Variants in LHFPL3 observed in about 807,000 individuals in gnomAD.
LHFPL3 encodes the protein LHFPL tetraspan subfamily member 3 protein.
Under a neutral mutation model 19.3 loss-of-function variants are expected in LHFPL3, and 5 were observed. That is an observed-to-expected ratio of 0.26 (90% CI 0.14 to 0.54). The LOEUF (loss-of-function observed/expected upper bound fraction) is 0.54. Ranked by LOEUF, LHFPL3 falls within the 20% of genes least tolerant of loss-of-function variation. The probability of loss-of-function intolerance (pLI) is 0.94; values close to 1 mark genes in which losing one functional copy is unlikely to be tolerated. For synonymous variants in LHFPL3, 133 were observed against 126.2 expected, an observed-to-expected ratio of 1.05 and a Z score of -0.36; for missense variants, 249 against 307.4, an observed-to-expected ratio of 0.81 and a Z score of 1.42.
At chr7:104,369,819 C>T (rs6465984) in intron 1 of LHFPL3, among the ~76,000 whole-genome samples, 16,568 of 152,214 alleles carry the variant, frequency 0.11, 1,048 homozygotes, top group African/African-American at 0.15. Flanking sequence ...TAGCCATTCA[C>T]ATCTTAGTTG....
At chr7:104,578,147 A>C (rs1790379152) in intron 1 of LHFPL3, among the ~76,000 whole-genome samples, 1 of 152,216 alleles carries the variant, frequency 6.6e-6, no homozygotes, top group South Asian at 2.1e-4. Flanking sequence ...ATAGGCAGTT[A>C]GCTTTTCTAA....
intron 1 of LHFPL3, among the ~76,000 whole-genome samples, chr7:104,562,272 G>T (rs1034788988): frequency 5.5e-4 from 83 of 151,836 alleles, no homozygotes; most frequent in African/African-American, 1.9e-3. Context: ...ATATCCTGCA[G>T]AGTGTTTTCC....
intron 2 of LHFPL3, among the ~76,000 whole-genome samples, chr7:104,757,211 G>A (rs1348451679): frequency 1.3e-5 from 2 of 152,120 alleles, no homozygotes; most frequent in East Asian, 3.8e-4. Flanking sequence ...ATTAATGCAA[G>A]GTGGATTAAA....
intron 1 of LHFPL3, among the ~76,000 whole-genome samples, chr7:104,481,494 C>T (rs1423633586): frequency 6.6e-6 from 1 of 152,152 alleles, no homozygotes; most frequent in Non-Finnish European, 1.5e-5. Flanking sequence ...CCCCAACACA[C>T]CTGGACACTG....
intron 2 of LHFPL3, among the ~76,000 whole-genome samples, chr7:104,802,403 G>A (rs1790269891): frequency 6.6e-6 from 1 of 150,716 alleles, no homozygotes; most frequent in African/African-American, 2.4e-5. Context: ...GCTGAGGTGG[G>A]AGGATTGCTT....
At chr7:104,699,766 C>A (rs1793066646) in intron 1 of LHFPL3, among the ~76,000 whole-genome samples, 1 of 152,208 alleles carries the variant, frequency 6.6e-6, no homozygotes, top group Non-Finnish European at 1.5e-5. Context: ...CCTCGCAGGA[C>A]AGAATTTAGT....
At chr7:104,535,096 A>T (rs185413559) in intron 1 of LHFPL3, among the ~76,000 whole-genome samples, 21 of 152,320 alleles carry the variant, frequency 1.4e-4, no homozygotes, top group Admixed American at 1.4e-3. Flanking sequence ...CCCATGTTCC[A>T]GCTGTTCATT....
intron 1 of LHFPL3, among the ~76,000 whole-genome samples, chr7:104,465,461 C>T (rs1792760801): frequency 6.6e-6 from 1 of 152,180 alleles, no homozygotes; most frequent in African/African-American, 2.4e-5. Context: ...TGTTCTTATG[C>T]TGCTAATAAA....
At chr7:104,687,020 C>T (rs1169419940) in intron 1 of LHFPL3, among the ~76,000 whole-genome samples, 1 of 152,170 alleles carries the variant, frequency 6.6e-6, no homozygotes, top group African/African-American at 2.4e-5. Flanking sequence ...CAAGGTCCCT[C>T]CCCCAACACA....
intron 2 of LHFPL3, among the ~76,000 whole-genome samples, chr7:104,795,889 C>A (rs970152246): frequency 5.3e-5 from 8 of 152,172 alleles, no homozygotes; most frequent in African/African-American, 1.9e-4. Flanking sequence ...ATTTAGGCAG[C>A]AAATGAGCCA....
intron 2 of LHFPL3, among the ~76,000 whole-genome samples, chr7:104,834,102 G>A (rs1020680405): frequency 6.6e-6 from 1 of 150,870 alleles, no homozygotes; most frequent in African/African-American, 2.5e-5. Context: ...TTTTCTGCCT[G>A]TTTATATTCG....
intron 2 of LHFPL3, among the ~76,000 whole-genome samples, chr7:104,867,704 G>A (rs1791754472): frequency 6.6e-6 from 1 of 152,160 alleles, no homozygotes. Flanking sequence ...CAGAAAAAGA[G>A]GGAATCCTCC....
At chr7:104,516,038 G>C (rs1001858825) in intron 1 of LHFPL3, among the ~76,000 whole-genome samples, 6 of 152,024 alleles carry the variant, frequency 3.9e-5, no homozygotes, top group Non-Finnish European at 7.4e-5. Context: ...CTGTTCTCAT[G>C]CTACTAATAA....
At chr7:104,668,849 G>A (rs1198500759) in intron 1 of LHFPL3, 6 of 1,611,898 alleles carry the variant, frequency 3.7e-6, no homozygotes, top group Non-Finnish European at 4.2e-6. Context: ...TGTTGACACA[G>A]CTGCTAGAGA....
At chr7:104,572,254 A>G (rs1051324919) in intron 1 of LHFPL3, among the ~76,000 whole-genome samples, 1 of 151,634 alleles carries the variant, frequency 6.6e-6, no homozygotes, top group Non-Finnish European at 1.5e-5. Context: ...CCAACCTAAT[A>G]TATTTTGTTA....
At chr7:104,885,841 A>G (rs879266964) in intron 2 of LHFPL3, among the ~76,000 whole-genome samples, 2 of 151,516 alleles carry the variant, frequency 1.3e-5, no homozygotes, top group Non-Finnish European at 2.9e-5. Flanking sequence ...ATGCCTCACC[A>G]TTGCCCAAGA....
intron 1 of LHFPL3, among the ~76,000 whole-genome samples, chr7:104,477,473 A>G (rs12666599): frequency 0.15 from 23,159 of 152,168 alleles, 1,872 homozygotes; most frequent in South Asian, 0.24. Context: ...TCATTAATCA[A>G]ATAATCACAT....
At chr7:104,904,305 C>CTAGCA (rs1254727502) in intron 2 of LHFPL3, among the ~76,000 whole-genome samples, 7 of 152,198 alleles carry the variant, frequency 4.6e-5, no homozygotes, top group Non-Finnish European at 7.3e-5. Flanking sequence ...AGAGGATTTT[C>CTAGCA]TAGCACACAT....
chr7:104,453,210 T>C (rs1003729928), intron 1 of LHFPL3, among the ~76,000 whole-genome samples: 2 of 152,110 alleles, frequency 1.3e-5, no homozygotes, highest in Non-Finnish European at 2.9e-5. Flanking sequence ...GAAGTTGAAC[T>C]CAACTCTGCT....
Sources: allele counts gnomAD v4.1 joint callset (sites outside exome capture counted in the v4.1 genomes callset), GRCh38; gene constraint gnomAD v4.1.1; transcripts MANE v1.5; gene names NCBI Gene and HGNC (gene_info 2026-07-23, HGNC 2026-07-21).